CACNA2D3: variants seen among roughly 807,000 people sequenced by gnomAD.
CACNA2D3 encodes the protein calcium voltage-gated channel auxiliary subunit alpha2delta 3, also known as voltage-dependent calcium channel subunit alpha-2/delta-3.
A neutral mutation model predicts 160.6 loss-of-function variants in CACNA2D3; 60 were observed. The observed-to-expected ratio is 0.37, with a 90% CI of 0.30 to 0.46. The LOEUF is 0.46. Ranked by LOEUF, CACNA2D3 falls within the 20% of genes least tolerant of loss-of-function variation. The pLI is 1.00. For missense variants in CACNA2D3, 1,205 were observed against 1,365.0 expected, an observed-to-expected ratio of 0.88 and a Z score of 1.85; for synonymous variants, 558 against 492.9, an observed-to-expected ratio of 1.13 and a Z score of -1.75.
At chr3:54,713,644 G>A (rs1700996073) in intron 11 of CACNA2D3, among the ~76,000 whole-genome samples, 1 of 152,174 alleles carries the variant, frequency 6.6e-6, no homozygotes, top group African/African-American at 2.4e-5. Flanking sequence ...GGTCTGGAAA[G>A]TTCACACAAC....
At chr3:54,857,862 A>C (rs1372528321) in intron 17 of CACNA2D3, among the ~76,000 whole-genome samples, 3 of 152,086 alleles carry the variant, frequency 2.0e-5, no homozygotes, top group Admixed American at 2.0e-4. Flanking sequence ...TGTATTCCTA[A>C]CACACCAGCC....
At chr3:54,889,589 T>G (rs2106863310) in intron 24 of CACNA2D3, among the ~76,000 whole-genome samples, 1 of 152,034 alleles carries the variant, frequency 6.6e-6, no homozygotes, top group South Asian at 2.1e-4. Flanking sequence ...GAGGATCAGG[T>G]TTAGGGCTGG....
chr3:54,564,235 G>A (rs62255460), intron 6 of CACNA2D3, among the ~76,000 whole-genome samples: 19,286 of 152,192 alleles, frequency 0.13, 1,380 homozygotes, highest in Middle Eastern at 0.19. Flanking sequence ...TCCTCCAACA[G>A]GGAGTCCTTA....
intron 11 of CACNA2D3, among the ~76,000 whole-genome samples, chr3:54,698,235 A>G (rs949800728): frequency 6.6e-6 from 1 of 152,206 alleles, no homozygotes; most frequent in African/African-American, 2.4e-5. Flanking sequence ...AGGAATGTGA[A>G]TAGCAAATTA....
chr3:54,731,788 C>G (rs1345584412), intron 11 of CACNA2D3, among the ~76,000 whole-genome samples: 1 of 151,986 alleles, frequency 6.6e-6, no homozygotes, highest in Non-Finnish European at 1.5e-5. Context: ...TTAAATGAGG[C>G]ATGACTGTTC....
chr3:54,858,886 C>T (rs1470130182), intron 17 of CACNA2D3, among the ~76,000 whole-genome samples: 1 of 152,184 alleles, frequency 6.6e-6, no homozygotes, highest in Non-Finnish European at 1.5e-5. Flanking sequence ...TGGGAGTTTA[C>T]ATTTTAGAAA....
intron 3 of CACNA2D3, among the ~76,000 whole-genome samples, chr3:54,333,378 T>C (rs1382618911): frequency 2.0e-5 from 3 of 152,142 alleles, no homozygotes; most frequent in Non-Finnish European, 4.4e-5. Context: ...GTGTCTGCAC[T>C]GCTCATTGGC....
chr3:54,590,503 T>C (rs1702837717), intron 9 of CACNA2D3, among the ~76,000 whole-genome samples: 1 of 152,204 alleles, frequency 6.6e-6, no homozygotes, highest in South Asian at 2.1e-4. Context: ...GTTCTGTGTC[T>C]TGATCATATC....
At chr3:54,741,167 A>T (rs1310500967) in intron 11 of CACNA2D3, among the ~76,000 whole-genome samples, 1 of 152,166 alleles carries the variant, frequency 6.6e-6, no homozygotes, top group Non-Finnish European at 1.5e-5. Flanking sequence ...AAGGGAGAGC[A>T]TTAAAGGAAG....
intron 2 of CACNA2D3, among the ~76,000 whole-genome samples, chr3:54,209,406 T>C (rs1439206265): frequency 2.0e-5 from 3 of 152,298 alleles, no homozygotes; most frequent in South Asian, 2.1e-4. Context: ...CTGGGTCTCA[T>C]AGATGTGAGA....
chr3:54,751,267 A>C (rs961308749), intron 11 of CACNA2D3, among the ~76,000 whole-genome samples: 1 of 152,202 alleles, frequency 6.6e-6, no homozygotes, highest in Non-Finnish European at 1.5e-5. Flanking sequence ...TGATAAATAA[A>C]GTAATGGCCT....
intron 27 of CACNA2D3, among the ~76,000 whole-genome samples, chr3:54,929,907 C>T (rs1701142668): frequency 6.6e-6 from 1 of 152,196 alleles, no homozygotes; most frequent in African/African-American, 2.4e-5. Context: ...GAACTTAACA[C>T]TCCTTCTAAG....
chr3:54,546,136 A>G (rs1027833367), intron 5 of CACNA2D3, among the ~76,000 whole-genome samples: 1 of 152,324 alleles, frequency 6.6e-6, no homozygotes. Flanking sequence ...CTACCGGACA[A>G]CAGGGGTCGG....
chr3:54,434,820 T>G (rs898975054), intron 4 of CACNA2D3, among the ~76,000 whole-genome samples: 2 of 152,286 alleles, frequency 1.3e-5, no homozygotes, highest in East Asian at 3.9e-4. Flanking sequence ...AAGTTTAAGC[T>G]ATTCTAGTAA....
chr3:54,895,837 G>A (rs1700175716), intron 25 of CACNA2D3, among the ~76,000 whole-genome samples: 1 of 152,206 alleles, frequency 6.6e-6, no homozygotes, highest in South Asian at 2.1e-4. Context: ...CAGAGGGAAT[G>A]TCAGGTCAAT....
chr3:54,555,897 T>C (rs1702234893), intron 5 of CACNA2D3, among the ~76,000 whole-genome samples: 1 of 152,200 alleles, frequency 6.6e-6, no homozygotes, highest in Non-Finnish European at 1.5e-5. Context: ...TCCAACTTAG[T>C]GCATTACAGG....
At chr3:54,673,925 A>G (rs1700198793) in intron 11 of CACNA2D3, among the ~76,000 whole-genome samples, 1 of 152,220 alleles carries the variant, frequency 6.6e-6, no homozygotes, top group African/African-American at 2.4e-5. Flanking sequence ...AAGAGGCAGA[A>G]GAAAGCCTCA....
At chr3:54,450,445 A>G (rs893478325) in intron 4 of CACNA2D3, among the ~76,000 whole-genome samples, 4 of 152,086 alleles carry the variant, frequency 2.6e-5, no homozygotes, top group Non-Finnish European at 4.4e-5. Flanking sequence ...TTTGTCCCCT[A>G]TGAATCTCAT....
intron 11 of CACNA2D3, among the ~76,000 whole-genome samples, chr3:54,664,471 C>T (rs1170314957): frequency 3.3e-5 from 5 of 152,220 alleles, no homozygotes; most frequent in African/African-American, 1.2e-4. Flanking sequence ...TTGCTTACTC[C>T]TCACCGCCAC....
Sources: gnomAD v4.1 joint callset for allele counts (sites outside exome capture counted in the v4.1 genomes callset) on GRCh38, gnomAD v4.1.1 for gene constraint, MANE v1.5 for transcripts, NCBI Gene and HGNC (gene_info 2026-07-23, HGNC 2026-07-21) for gene names.